TAB1: variants seen among roughly 807,000 people sequenced by gnomAD.
The protein encoded by TAB1 is TGF-beta activated kinase 1 (MAP3K7) binding protein 1, also known as TGF-beta-activated kinase 1 and MAP3K7-binding protein 1.
Under a neutral mutation model 54.5 loss-of-function variants are expected in TAB1, and 30 were observed. The observed-to-expected ratio is 0.55, with a 90% CI of 0.41 to 0.75. The LOEUF is 0.75. Among genes scored for constraint, TAB1 ranks in the 30% least tolerant of loss-of-function variants. The pLI is 0.00. For missense variants in TAB1, 609 were observed against 683.2 expected (o/e 0.89, Z 1.21); for synonymous variants, 289 against 286.9 (o/e 1.01, Z -0.07).
chr22:39,407,695 C>G (rs1219106179), intron 1 of TAB1, among the ~76,000 whole-genome samples: 4 of 152,144 alleles, frequency 2.6e-5, no homozygotes, highest in African/African-American at 9.7e-5. Flanking sequence ...CTGTGTTAGC[C>G]AGGATGGTCT....
rs1927578553 is a variant in TAB1 at position 39,431,391 on chromosome 22, C to T, written c.*1169C>T. The T allele has an allele frequency of 2.0e-6, 2 of 985,380 alleles. No individual in the cohort carries two copies. Among genetic ancestry groups the T allele is most frequent in the Non-Finnish European group, 2.4e-6 (2 of 829,996 alleles). 61.0% of individuals were successfully genotyped at this position (985,380 alleles called of 1,614,324 possible). A position where few individuals can be genotyped will look rare whatever the true frequency, so the allele number is the denominator to read the frequency against. ...TGGCCAAGCCACACAATCAGTGGGG[C>T]AGCCAGAGCTCAGACCTGAGCCATT... On this transcript the variant is annotated 3_prime_UTR_variant, in exon 11 of 11. Coordinates refer to ENST00000216160, the MANE Select transcript of TAB1 (RefSeq NM_006116.3).
rs958262417 is a variant in TAB1 at position 39,431,383 on chromosome 22, C to G, written c.*1161C>G. On this transcript the variant is annotated 3_prime_UTR_variant, in exon 11 of 11. Coordinates refer to ENST00000216160, the MANE Select transcript of TAB1 (RefSeq NM_006116.3). ...TTGCACCTTGGCCAAGCCACACAAT[C>G]AGTGGGGCAGCCAGAGCTCAGACCT... 1 of 985,386 alleles carries G rather than the reference C, an allele frequency of 1.0e-6. No individual in the cohort carries two copies. The highest frequency in any genetic ancestry group is 1.7e-5 in the African/African-American group (1 of 57,222). 61.0% of individuals were successfully genotyped at this position (985,386 alleles called of 1,614,324 possible).
intron 1 of TAB1, among the ~76,000 whole-genome samples, chr22:39,410,004 G>A (rs1288962488): frequency 2.0e-5 from 3 of 152,114 alleles, no homozygotes; most frequent in Non-Finnish European, 2.9e-5. Flanking sequence ...ATGTGGGTCC[G>A]GAAGACCTAA....
intron 1 of TAB1, among the ~76,000 whole-genome samples, chr22:39,406,632 T>A (rs556846528): frequency 9.9e-5 from 15 of 152,002 alleles, no homozygotes; most frequent in African/African-American, 2.4e-5. Context: ...TATTTTTTTT[T>A]AATTTATTTT....
At chr22:39,435,897 C>T (rs1285033939), downstream of TAB1, among the ~76,000 whole-genome samples, 3 of 152,188 alleles carry the variant, frequency 2.0e-5, no homozygotes, top group African/African-American at 7.2e-5. Context: ...AGTCCCACCT[C>T]CCGGGTGCCC....
At chr22:39,416,087 C>T (rs1926822082) in intron 3 of TAB1, among the ~76,000 whole-genome samples, 1 of 152,194 alleles carries the variant, frequency 6.6e-6, no homozygotes, top group African/African-American at 2.4e-5. Context: ...ACTGGTTCCA[C>T]CTTTCTGCTT....
chr22:39,399,946 G>A (rs1471161101), intron 1 of TAB1, 111 bp downstream of exon 1: 5 of 1,222,818 alleles, frequency 4.1e-6, no homozygotes, highest in Non-Finnish European at 5.8e-6. Context: ...TCTCCGTGGT[G>A]GGGTGTGTCA....
intron 1 of TAB1, among the ~76,000 whole-genome samples, chr22:39,414,561 C>T (rs1161619266): frequency 6.6e-6 from 1 of 151,778 alleles, no homozygotes; most frequent in Non-Finnish European, 1.5e-5. Context: ...GTCCCGGGCC[C>T]TGCCCAGATC....
At chr22:39,419,458 C>G (rs1926976906) in intron 6 of TAB1, 61 bp from the exon 7 acceptor site, 2 of 1,381,130 alleles carry the variant, frequency 1.4e-6, no homozygotes, top group Admixed American at 3.7e-5. Flanking sequence ...GTCTCTGTCC[C>G]CTTCTTTTTG....
chr22:39,421,413 G>T (rs1247192297), intron 7 of TAB1, among the ~76,000 whole-genome samples: 1 of 152,176 alleles, frequency 6.6e-6, no homozygotes, highest in Non-Finnish European at 1.5e-5. Flanking sequence ...AAGGATCCCT[G>T]TACACATGGA....
chr22:39,432,616 TG>T, downstream of TAB1: 1 of 420,880 alleles, frequency 2.4e-6, no homozygotes, highest in Non-Finnish European at 3.2e-6. Context: ...TGAACACTCC[TG>T]GAGCTTTGGT....
At chr22:39,436,431 C>CAA, downstream of TAB1, 1 of 1,432,824 alleles carries the variant, frequency 7.0e-7, no homozygotes, top group East Asian at 2.3e-5. Context: ...CACACAGGAG[C>CAA]AAAGATTTAA....
intron 10 of TAB1, 42 bp from the exon 11 acceptor site, chr22:39,429,973 C>T: frequency 6.2e-7 from 1 of 1,607,914 alleles, no homozygotes; most frequent in Non-Finnish European, 8.5e-7. Context: ...GGCCCCTTGA[C>T]CCGGCTGCTT....
In TAB1 at chr22:39,399,786, G is replaced by T. The variant is rs757044348; in HGVS notation, c.-17G>T. On this transcript the variant is annotated 5_prime_UTR_variant, in exon 1 of 11. Coordinates refer to ENST00000216160, the MANE Select transcript of TAB1 (RefSeq NM_006116.3). ...GCTCTGCGGGGAGGCGGGCGCTCCCGCAGGGGTTCCTCCAAGATGGCGGCG... is the reference window on the plus strand; with the variant it reads ...GCTCTGCGGGGAGGCGGGCGCTCCCTCAGGGGTTCCTCCAAGATGGCGGCG... 5 of 1,583,856 alleles carry T rather than the reference G, an allele frequency of 3.2e-6. No homozygotes were observed. In the Admixed American group the frequency reaches 9.1e-5, roughly 29 times the overall value.
At position 39,431,495 on chromosome 22, in the gene TAB1, G is replaced by T; in HGVS notation, c.*1273G>T. On this transcript the variant is annotated 3_prime_UTR_variant, in exon 11 of 11. Coordinates refer to ENST00000216160, the MANE Select transcript of TAB1 (RefSeq NM_006116.3). Reference sequence around the variant, plus strand: ...TCCCTGCCCCCCATGCCCCAGACCGGCCCACCAGGGACTAGCCGCTGTCGC... The same window carrying T: ...TCCCTGCCCCCCATGCCCCAGACCGTCCCACCAGGGACTAGCCGCTGTCGC... The T allele has an allele frequency of 1.0e-6, 1 of 985,618 alleles. No individual in the cohort carries two copies. Among genetic ancestry groups the T allele is most frequent in the South Asian group, 4.7e-5 (1 of 21,296 alleles). The allele number at this position is 985,618 out of a possible 1,614,324, so 61.1% of individuals were successfully genotyped here.
At chr22:39,429,706 T>C (rs1246712656) in intron 10 of TAB1, 1 of 508,368 alleles carries the variant, frequency 2.0e-6, no homozygotes, top group Non-Finnish European at 2.5e-6. Flanking sequence ...GATCTCGAAC[T>C]CCTGACCTCA....
chr22:39,407,295 G>T (rs1458257926), intron 1 of TAB1, among the ~76,000 whole-genome samples: 1 of 152,064 alleles, frequency 6.6e-6, no homozygotes, highest in Non-Finnish European at 1.5e-5. Context: ...TTTTCTGTTT[G>T]CATTAGTTTT....
At chr22:39,428,842 G>T (rs1000476899) in intron 10 of TAB1, among the ~76,000 whole-genome samples, 31 of 152,378 alleles carry the variant, frequency 2.0e-4, no homozygotes, top group African/African-American at 5.8e-4. Context: ...GGCCCTGGAG[G>T]GGGGTGGGCG....
rs116997059 is a variant in TAB1, at chr22:39,418,760, G to C, written c.579G>C (p.Ser193=). 1.1e-3 allele frequency: 1,780 copies of C among 1,614,090 alleles called. 33 individuals are homozygous for C. In the East Asian group the frequency reaches 0.032, roughly 29 times the overall value. The stretch of plus-strand genomic sequence containing the variant: ...CAAACCGTGCACTTTTATGCAAATC[G>C]ACAGTGGATGGGTTGCAGGTGACAC... ...VGTNRALLCK[S]TVDGLQVTQL... Residue 193 remains serine, a synonymous_variant, in exon 6 of 11, where the codon TCG becomes TCC. Coordinates refer to ENST00000216160, the MANE Select transcript of TAB1 (RefSeq NM_006116.3).
Sources: allele counts gnomAD v4.1 joint callset (sites outside exome capture counted in the v4.1 genomes callset), GRCh38; gene constraint gnomAD v4.1.1; transcripts MANE v1.5; gene names NCBI Gene and HGNC (gene_info 2026-07-23, HGNC 2026-07-21).